The following MMP27 variants were observed in gnomAD, a reference collection of about 807,000 sequenced individuals.
MMP27 encodes the protein matrix metalloproteinase-27.
A neutral mutation model predicts 48.1 loss-of-function variants in MMP27; 51 were observed. The ratio of observed to expected loss-of-function variants is 1.06; its 90% CI spans 0.85 to 1.34. The LOEUF is 1.34. Among genes scored for constraint, MMP27 ranks in the 40% most tolerant of loss-of-function variants. The pLI is 0.00. For synonymous variants in MMP27, 229 were observed against 208.9 expected (o/e 1.10, Z -0.83); for missense variants, 698 against 619.3 (o/e 1.13, Z -1.35).
In MMP27 at chr11:102,702,972, C is replaced by G; in HGVS notation, c.488G>C (p.Arg163Pro). Residue 163 changes from arginine to proline, a missense_variant and splice_region_variant, in exon 3 of 10, where the codon CGA becomes CCA. Arg to Pro is a moderately radical substitution (Grantham distance 103). Coordinates refer to ENST00000260229, the MANE Select transcript of MMP27 (RefSeq NM_022122.3). ...TTGCTCTCTGTTGAAAACCTTACCT[C>G]GAGTCCTAAAGGCAATCATGATGTC... is the stretch of plus-strand genomic sequence containing the variant. The part of the protein sequence containing the change: ...IADIMIAFRT[R>P]VHGRCPRYFD... 1 of 1,613,314 alleles carries G rather than the reference C, an allele frequency of 6.2e-7. No individual in the cohort carries two copies.
chr11:102,695,051 AT>A lies in MMP27; in HGVS notation c.948del (p.Glu316AspfsTer2), dbSNP rs1860798670. The A allele has an allele frequency of 6.2e-7, 1 of 1,613,928 alleles. No homozygotes were observed. Among genetic ancestry groups the A allele is most frequent in the South Asian group, 1.1e-5 (1 of 91,084 alleles). ...IYYDITDVEF[E>X]LIASFWPSLP... ...AGAGATGGCCAGAATGAAGCAATTA[AT>A]TCAAACTCAACATCCGTGATATCAT... On this transcript the variant is annotated frameshift_variant, in exon 7 of 10. Coordinates refer to ENST00000260229, the MANE Select transcript of MMP27 (RefSeq NM_022122.3). LOFTEE classifies it high-confidence loss of function.
rs778637567 is a variant in MMP27 at position 102,691,889 on chromosome 11, A to C, written c.1419T>G (p.Phe473Leu). Reference sequence around the variant, plus strand: ...CTTTTTCCTTGTTGATATCAAAACCAAATGAGGAGTTCTTTGGTTCTTTGC... The same window carrying C: ...CTTTTTCCTTGTTGATATCAAAACCCAATGAGGAGTTCTTTGGTTCTTTGC... ...FQCKEPKNSS[F>L]GFDINKEKAH... is the part of the protein sequence containing the mutation. The change falls in exon 10 of 10, where the codon TTT becomes TTG. Residue 473 changes from phenylalanine (F) to leucine (L), a missense_variant. Coordinates refer to ENST00000260229, the MANE Select transcript of MMP27 (RefSeq NM_022122.3). The C allele has an allele frequency of 6.2e-7, 1 of 1,613,668 alleles. No homozygotes were observed. Among genetic ancestry groups the C allele is most frequent in the Non-Finnish European group, 8.5e-7 (1 of 1,179,782 alleles).
Position 102,703,000 on chromosome 11 carries a change from C to A in MMP27, c.460G>T (p.Ala154Ser). 6.2e-7 allele frequency: 1 copy of A among 1,614,170 alleles called. No individual in the cohort carries two copies. ...LKFTKISKGI[A>S]DIMIAFRTRV... ...GTCCTAAAGGCAATCATGATGTCTG[C>A]AATCCCCTTTGAAATCTTGGTGAAT... The change falls in exon 3 of 10, where the codon GCA becomes TCA. Residue 154 changes from alanine (A) to serine (S), a missense_variant. By Grantham distance (99) the Ala-to-Ser change is moderately conservative (BLOSUM62 1). Transcript: ENST00000260229.
intron 5 of MMP27, 28 bp downstream of exon 5, chr11:102,696,646 A>G (rs781136553): frequency 5.7e-6 from 9 of 1,590,570 alleles, no homozygotes; most frequent in African/African-American, 2.7e-5. Flanking sequence ...TTTAGTTCAC[A>G]TATATTGAGA....
chr11:102,699,036 G>A (rs1860887298), intron 4 of MMP27, among the ~76,000 whole-genome samples: 1 of 150,836 alleles, frequency 6.6e-6, no homozygotes, highest in South Asian at 2.1e-4. Flanking sequence ...TCCAAGTGTT[G>A]TCTAATGCAA....
rs544039682 is a variant in MMP27 at position 102,699,488 on chromosome 11, C to A, written c.620-2653G>T. 9.2e-5 allele frequency among the ~76,000 whole-genome samples: 14 copies of A among 152,092 alleles called. No individual in the cohort carries two copies. The South Asian group carries it at 1.0e-3, about 11-fold the overall frequency. Reference sequence around the variant, plus strand: ...GTCTCAAAAAATAAATAAATAAATACATACATACATACATAAAGTCCATCC... The same window carrying A: ...GTCTCAAAAAATAAATAAATAAATAAATACATACATACATAAAGTCCATCC... On this transcript the variant is annotated intron_variant, in intron 4 of 9. Transcript: ENST00000260229.
intron 9 of MMP27, among the ~76,000 whole-genome samples, chr11:102,692,475 G>T (rs1451051039): frequency 6.6e-6 from 1 of 152,204 alleles, no homozygotes; most frequent in African/African-American, 2.4e-5. Context: ...CTAGGTCATT[G>T]TCTTGGATGA....
At position 102,692,998 on chromosome 11, in the gene MMP27, T is replaced by A. The variant is rs767642660; in HGVS notation, c.1237A>T (p.Arg413Ter). The A allele has an allele frequency of 1.2e-6, 2 of 1,613,776 alleles. No homozygotes were observed. The highest frequency in any genetic ancestry group is 1.7e-6 in the Non-Finnish European group (2 of 1,179,860). The change falls in exon 9 of 10, where the codon AGA becomes TGA. Residue 413 changes from arginine to a stop codon, truncating the protein, a stop_gained. Coordinates refer to ENST00000260229, the MANE Select transcript of MMP27 (RefSeq NM_022122.3). LOFTEE classifies it high-confidence loss of function. ...ATTCCAGGAAAGTGTTTTACCACTC[T>A]CTGCGGGAACCCTTTGTCCATGGTT... ...TQTMDKGFPQ[R>*]VVKHFPGISI...
chr11:102,699,675 G>C (rs1860902009), intron 4 of MMP27, among the ~76,000 whole-genome samples: 1 of 152,156 alleles, frequency 6.6e-6, no homozygotes, highest in African/African-American at 2.4e-5. Context: ...CCCTTGCCTG[G>C]CTGGCTATAT....
intron 6 of MMP27, among the ~76,000 whole-genome samples, chr11:102,696,098 T>C (rs1457273747): frequency 2.0e-5 from 3 of 152,228 alleles, no homozygotes; most frequent in South Asian, 2.1e-4. Context: ...CTGGGATTGG[T>C]GGACTCTTCT....
chr11:102,691,615 C>G lies in MMP27; in HGVS notation c.*151G>C. ...ATTTTTGTTTCTACATAATAACTTCCTATTAAAAGAATCAGGCAGCTCAAA... is the reference window on the plus strand; with the variant it reads ...ATTTTTGTTTCTACATAATAACTTCGTATTAAAAGAATCAGGCAGCTCAAA... On this transcript the variant is annotated 3_prime_UTR_variant, in exon 10 of 10. Coordinates refer to ENST00000260229, the MANE Select transcript of MMP27 (RefSeq NM_022122.3). 6.4e-6 allele frequency: 4 copies of G among 621,042 alleles called. No homozygotes were observed. Among genetic ancestry groups the G allele is most frequent in the Non-Finnish European group, 1.0e-5 (4 of 383,844 alleles). 38.5% of individuals were successfully genotyped at this position (621,042 alleles called of 1,614,324 possible).
chr11:102,696,668 G>A lies in MMP27; in HGVS notation c.781+6C>T. The A allele has an allele frequency of 6.3e-7, 1 of 1,596,898 alleles. No individual in the cohort carries two copies. The highest frequency in any genetic ancestry group is 8.5e-7 in the Non-Finnish European group (1 of 1,175,490). On this transcript the variant is annotated splice_donor_region_variant and intron_variant, in intron 5 of 9. Transcript: ENST00000260229. ...CACATATATTGAGATTTATAATTTT[G>A]CTCACCATAGATGGACTGGATTCCA...
At chr11:102,693,122 A>G in intron 8 of MMP27, 81 bp from the exon 9 acceptor site, 1 of 1,035,408 alleles carries the variant, frequency 9.7e-7, no homozygotes, top group Non-Finnish European at 1.5e-6. Context: ...CTTAGAGTCA[A>G]GCAGGGATGT....
chr11:102,695,123 A>C (rs1860800579), intron 6 of MMP27, 26 bp from the exon 7 acceptor site: 1 of 1,608,184 alleles, frequency 6.2e-7, no homozygotes. Context: ...AACACTTTAC[A>C]CATGCAGCCT....
intron 2 of MMP27, 51 bp from the exon 3 acceptor site, chr11:102,703,169 A>G (rs763751757): frequency 6.5e-7 from 1 of 1,539,120 alleles, no homozygotes; most frequent in Non-Finnish European, 8.9e-7. Context: ...ATGCATGAAT[A>G]TACACACATA....
At chr11:102,693,322 C>T (rs1019504096) in intron 8 of MMP27, among the ~76,000 whole-genome samples, 12 of 152,064 alleles carry the variant, frequency 7.9e-5, no homozygotes, top group African/African-American at 2.2e-4. Flanking sequence ...GAGCTTGGAG[C>T]TTTCAAAATT....
At position 102,693,041 on chromosome 11, in the gene MMP27, C is replaced by T. The variant is rs1368228497; in HGVS notation, c.1194G>A (p.Arg398=). 6.2e-7 allele frequency: 1 copy of T among 1,610,790 alleles called. No homozygotes were observed. Among genetic ancestry groups the T allele is most frequent in the Admixed American group, 1.7e-5 (1 of 59,886 alleles). The part of the protein sequence containing the change: ...TYFFVGIWCW[R]FDEMTQTMDK... ...CCATGGTTTGGGTCATTTCATCAAA[C>T]CTGCATACAAGAATATGAAAGGATA... is the stretch of plus-strand genomic sequence containing the variant. The change falls in exon 9 of 10, where the codon AGG becomes AGA. Residue 398 remains arginine (R), a splice_region_variant and synonymous_variant. Coordinates refer to ENST00000260229, the MANE Select transcript of MMP27 (RefSeq NM_022122.3).
At position 102,691,906 on chromosome 11, in the gene MMP27, G is replaced by A; in HGVS notation, c.1402C>T (p.Pro468Ser). ...TCAAAACCAAATGAGGAGTTCTTTG[G>A]TTCTTTGCATTGAAACCAAGTATTA... The part of the protein sequence containing the change: ...RTNTWFQCKE[P>S]KNSSFGFDIN... Residue 468 changes from proline to serine, a missense_variant, in exon 10 of 10, where the codon CCA (proline) becomes TCA (serine). Coordinates refer to ENST00000260229, the MANE Select transcript of MMP27 (RefSeq NM_022122.3). The A allele has an allele frequency of 6.2e-7, 1 of 1,613,458 alleles. No individual in the cohort carries two copies. Among genetic ancestry groups the A allele is most frequent in the South Asian group, 1.1e-5 (1 of 91,050 alleles).
At chr11:102,693,325 T>A (rs966073732) in intron 8 of MMP27, among the ~76,000 whole-genome samples, 7 of 152,190 alleles carry the variant, frequency 4.6e-5, no homozygotes, top group African/African-American at 1.7e-4. Context: ...CTTGGAGCTT[T>A]CAAAATTTTT....
Sources: gnomAD v4.1 joint callset for allele counts (sites outside exome capture counted in the v4.1 genomes callset) on GRCh38, gnomAD v4.1.1 for gene constraint, MANE v1.5 for transcripts, NCBI Gene and HGNC (gene_info 2026-07-23, HGNC 2026-07-21) for gene names.